DRC2: variants seen among roughly 807,000 people sequenced by gnomAD.
DRC2 encodes the protein coiled-coil domain containing 65.
chr12:48,910,013 C>G, the DRC2 span, among the ~76,000 whole-genome samples: 7 of 152,094 alleles, frequency 4.6e-5, no homozygotes, highest in Non-Finnish European at 8.8e-5. Context: ...CTCCTGACCT[C>G]AGGTGATCCG....
At chr12:48,908,601 ATTATTAT>A in the DRC2 span, among the ~76,000 whole-genome samples, 607 of 100,568 alleles carry the variant, frequency 6.0e-3, 4 homozygotes, top group African/African-American at 0.022. Flanking sequence ...TATTATTATT[ATTATTAT>A]TTATTTATTT....
the DRC2 span, among the ~76,000 whole-genome samples, chr12:48,919,263 G>A: frequency 6.7e-6 from 1 of 148,578 alleles, no homozygotes; most frequent in Non-Finnish European, 1.5e-5. Context: ...GTCTCACTCT[G>A]TCTCCCAGGC....
chr12:48,904,969 C>T, the DRC2 span: 1 of 1,610,504 alleles, frequency 6.2e-7, no homozygotes, highest in South Asian at 1.1e-5. Flanking sequence ...AGGAGGAACA[C>T]AACAGTGCTC....
the DRC2 span, among the ~76,000 whole-genome samples, chr12:48,913,781 C>T: frequency 6.6e-6 from 1 of 152,064 alleles, no homozygotes; most frequent in African/African-American, 2.4e-5. Context: ...AGGCTTGTGC[C>T]ACCGCACCCG....
At chr12:48,914,941 C>A in the DRC2 span, among the ~76,000 whole-genome samples, 36 of 152,020 alleles carry the variant, frequency 2.4e-4, no homozygotes, top group Admixed American at 1.4e-3. Context: ...TCACTGCAAC[C>A]TCTGCCTCCC....
chr12:48,905,494 G>A, the DRC2 span, among the ~76,000 whole-genome samples: 2 of 152,164 alleles, frequency 1.3e-5, no homozygotes, highest in Non-Finnish European at 1.5e-5. Flanking sequence ...ACTCCAGCAT[G>A]TGTTTATTGA....
At chr12:48,904,175 G>A in the DRC2 span, 2 of 857,190 alleles carry the variant, frequency 2.3e-6, no homozygotes, top group African/African-American at 1.7e-5. Flanking sequence ...ACTGATAGCC[G>A]GGGATCTCTC....
At chr12:48,910,215 G>A in the DRC2 span, among the ~76,000 whole-genome samples, 3 of 152,142 alleles carry the variant, frequency 2.0e-5, no homozygotes, top group African/African-American at 7.2e-5. Flanking sequence ...ATCAACCTTA[G>A]AGCAATTTCC....
chr12:48,909,564 G>A, the DRC2 span, among the ~76,000 whole-genome samples: 1 of 151,498 alleles, frequency 6.6e-6, no homozygotes, highest in African/African-American at 2.4e-5. Context: ...TGTAACCTTC[G>A]CCTCTCGGGT....
At chr12:48,915,209 TAAAC>T in the DRC2 span, among the ~76,000 whole-genome samples, 1 of 150,222 alleles carries the variant, frequency 6.7e-6, no homozygotes, top group East Asian at 1.9e-4. Flanking sequence ...GGTCAGCAGA[TAAAC>T]AAGTGAACAA....
chr12:48,920,544 CAG>C, the DRC2 span, among the ~76,000 whole-genome samples: 3 of 116,754 alleles, frequency 2.6e-5, no homozygotes, highest in Non-Finnish European at 5.0e-5. Flanking sequence ...TTTTTTGAGA[CAG>C]GGTCTCGCTC....
chr12:48,904,885 A>G, the DRC2 span: 6 of 1,385,970 alleles, frequency 4.3e-6, no homozygotes, highest in Non-Finnish European at 5.9e-6. Flanking sequence ...ATTAAGAGTG[A>G]TCTTGTTTGT....
the DRC2 span, among the ~76,000 whole-genome samples, chr12:48,906,015 C>G: frequency 1.3e-5 from 2 of 152,164 alleles, no homozygotes; most frequent in African/African-American, 4.8e-5. Flanking sequence ...TTGTGACCCA[C>G]CCGCCTTGGC....
the DRC2 span, among the ~76,000 whole-genome samples, chr12:48,917,793 T>C: frequency 6.6e-6 from 1 of 152,230 alleles, no homozygotes; most frequent in Non-Finnish European, 1.5e-5. Context: ...CTCCTGCCCC[T>C]TGATCCAAAG....
chr12:48,912,943 C>T, the DRC2 span, among the ~76,000 whole-genome samples: 9 of 152,042 alleles, frequency 5.9e-5, no homozygotes, highest in Middle Eastern at 6.8e-3. Flanking sequence ...CGAGACCATC[C>T]TGGCCAACAT....
chr12:48,920,998 T>C, the DRC2 span: 1 of 1,613,936 alleles, frequency 6.2e-7, no homozygotes, highest in Non-Finnish European at 8.5e-7. Context: ...AAGTGCTGCC[T>C]TTTTATTCAT....
chr12:48,908,143 T>C, the DRC2 span, among the ~76,000 whole-genome samples: 7 of 152,280 alleles, frequency 4.6e-5, no homozygotes, highest in Non-Finnish European at 1.0e-4. Context: ...GGTCTCGCTG[T>C]GTTGCCCAGG....
chr12:48,918,427 C>T, the DRC2 span: 16 of 1,613,978 alleles, frequency 9.9e-6, no homozygotes, highest in African/African-American at 2.0e-4. Context: ...ATGAGAAGAG[C>T]TCCAAAGAGA....
the DRC2 span, among the ~76,000 whole-genome samples, chr12:48,920,353 A>ATCGC: frequency 6.9e-6 from 1 of 145,898 alleles, no homozygotes; most frequent in African/African-American, 2.5e-5. Flanking sequence ...AGGCAGGAGA[A>ATCGC]TCGCTTGAAC....
Sources: gnomAD v4.1 joint callset for allele counts (sites outside exome capture counted in the v4.1 genomes callset) on GRCh38, gnomAD v4.1.1 for gene constraint, MANE v1.5 for transcripts, NCBI Gene and HGNC (gene_info 2026-07-23, HGNC 2026-07-21) for gene names.